DCDC2: variants seen among roughly 807,000 people sequenced by gnomAD.
The protein encoded by DCDC2 is doublecortin domain-containing protein 2.
In DCDC2, 40 loss-of-function variants were observed where a neutral mutation model predicts 50.2. The observed-to-expected ratio is 0.80, with a 90% CI of 0.62 to 1.04. DCDC2 has a LOEUF of 1.04. DCDC2 is among the 50% of genes least tolerant of loss of function. The pLI, the probability that DCDC2 is intolerant of heterozygous loss-of-function variation, is 0.00. For synonymous variants in DCDC2, 234 were observed against 210.6 expected (o/e 1.11, Z -0.96); for missense variants, 570 against 581.9 (o/e 0.98, Z 0.21).
intron 7 of DCDC2, among the ~76,000 whole-genome samples, chr6:24,273,625 C>T (rs1763287772): frequency 6.6e-6 from 1 of 152,198 alleles, no homozygotes; most frequent in Non-Finnish European, 1.5e-5. Flanking sequence ...TGAGAGAGCA[C>T]ATTTTCCTCA....
chr6:24,235,024 C>T (rs1762414832), intron 7 of DCDC2, among the ~76,000 whole-genome samples: 1 of 152,120 alleles, frequency 6.6e-6, no homozygotes, highest in African/African-American at 2.4e-5. Context: ...AATAGGATAA[C>T]ATGAAAAATT....
At chr6:24,340,733 T>C (rs1405086527) in intron 2 of DCDC2, among the ~76,000 whole-genome samples, 2 of 152,082 alleles carry the variant, frequency 1.3e-5, no homozygotes, top group African/African-American at 4.8e-5. Flanking sequence ...AAAAAAAAAT[T>C]TTGTTTTTTT....
At chr6:24,206,611 TAC>T (rs1761721937) in intron 7 of DCDC2, among the ~76,000 whole-genome samples, 2 of 152,216 alleles carry the variant, frequency 1.3e-5, no homozygotes, top group African/African-American at 4.8e-5. Context: ...ACAAAAGGAA[TAC>T]AGTCTTAATA....
chr6:24,325,140 G>GCCTC (rs1224731753), intron 2 of DCDC2, among the ~76,000 whole-genome samples: 5 of 150,310 alleles, frequency 3.3e-5, no homozygotes, highest in East Asian at 2.2e-4. Flanking sequence ...AGAATCTCCA[G>GCCTC]AGCCCCGTGG....
chr6:24,235,994 G>A (rs1230829815), intron 7 of DCDC2, among the ~76,000 whole-genome samples: 1 of 152,118 alleles, frequency 6.6e-6, no homozygotes, highest in African/African-American at 2.4e-5. Flanking sequence ...TGAATTAGAA[G>A]AGCCAATGTC....
At chr6:24,255,752 T>A (rs1762887254) in intron 7 of DCDC2, among the ~76,000 whole-genome samples, 1 of 152,142 alleles carries the variant, frequency 6.6e-6, no homozygotes, top group Non-Finnish European at 1.5e-5. Flanking sequence ...CCACTACTCA[T>A]CTGCTAGAAT....
intron 8 of DCDC2, among the ~76,000 whole-genome samples, chr6:24,180,275 G>GT (rs766767885): frequency 3.3e-4 from 50 of 151,654 alleles, no homozygotes; most frequent in Non-Finnish European, 6.3e-4. Context: ...AAATAACACG[G>GT]TTTTTTTGTT....
At chr6:24,202,703 T>C (rs1422084691) in intron 8 of DCDC2, among the ~76,000 whole-genome samples, 1 of 152,192 alleles carries the variant, frequency 6.6e-6, no homozygotes, top group Non-Finnish European at 1.5e-5. Flanking sequence ...TTGTCTGTCT[T>C]TGTGGATGAC....
chr6:24,302,336 TTAAGA>T (rs1759397212), intron 2 of DCDC2, among the ~76,000 whole-genome samples: 1 of 150,996 alleles, frequency 6.6e-6, no homozygotes, highest in Non-Finnish European at 1.5e-5. Flanking sequence ...TACGAAAATA[TTAAGA>T]TAATTTTTAA....
At chr6:24,382,919 G>A in the DCDC2 span, among the ~76,000 whole-genome samples, 1 of 151,980 alleles carries the variant, frequency 6.6e-6, no homozygotes, top group African/African-American at 2.4e-5. Flanking sequence ...TTTAGTTCAT[G>A]GACAGTTACT....
At chr6:24,290,905 T>C in intron 5 of DCDC2, 27 bp downstream of exon 5, 1 of 1,591,020 alleles carries the variant, frequency 6.3e-7, no homozygotes, top group Non-Finnish European at 8.5e-7. Context: ...AACTAAAGCA[T>C]GAGGAGTGGT....
chr6:24,370,141 C>A, the DCDC2 span, among the ~76,000 whole-genome samples: 8 of 152,204 alleles, frequency 5.3e-5, no homozygotes, highest in East Asian at 1.4e-3. Context: ...GGAAGGAAAA[C>A]CCCAGCTCTG....
At chr6:24,240,593 T>C (rs1444459871) in intron 7 of DCDC2, among the ~76,000 whole-genome samples, 2 of 152,186 alleles carry the variant, frequency 1.3e-5, no homozygotes, top group Non-Finnish European at 2.9e-5. Context: ...CATTTTAGAA[T>C]ACATGATTTA....
At chr6:24,189,833 G>A (rs1761275806) in intron 8 of DCDC2, among the ~76,000 whole-genome samples, 1 of 152,266 alleles carries the variant, frequency 6.6e-6, no homozygotes, top group South Asian at 2.1e-4. Context: ...TTGGGAAAGT[G>A]TGTGGATTTG....
intron 7 of DCDC2, 47 bp from the exon 8 acceptor site, chr6:24,205,149 C>CGT: frequency 1.2e-6 from 2 of 1,614,100 alleles, no homozygotes; most frequent in South Asian, 2.2e-5. Flanking sequence ...ATTGTGACAT[C>CGT]GTGTGGCTGA....
chr6:24,347,889 G>A (rs6922023), intron 2 of DCDC2, among the ~76,000 whole-genome samples: 33,954 of 152,034 alleles, frequency 0.22, 4,283 homozygotes, highest in African/African-American at 0.35. Flanking sequence ...TGCAAAAATC[G>A]GAATAACCAG....
intron 8 of DCDC2, among the ~76,000 whole-genome samples, chr6:24,184,671 T>C (rs1761153341): frequency 6.6e-6 from 1 of 152,172 alleles, no homozygotes; most frequent in African/African-American, 2.4e-5. Context: ...AGAAACATTA[T>C]TATAAGAATT....
intron 1 of DCDC2, among the ~76,000 whole-genome samples, chr6:24,355,741 CA>C (rs1760455419): frequency 6.6e-6 from 1 of 151,982 alleles, no homozygotes; most frequent in Non-Finnish European, 1.5e-5. Flanking sequence ...AAAATAAATC[CA>C]AATATATCCC....
chr6:24,334,214 G>A lies in DCDC2; in HGVS notation c.348+19355C>T, dbSNP rs76864542. ...TTCTCTTCTGAAGGTTGTACATAGA[G>A]AGTCAAATGAAAAAAACAAAGGTAT... On this transcript the variant is annotated intron_variant, in intron 2 of 9. Coordinates refer to ENST00000378454, the MANE Select transcript of DCDC2 (RefSeq NM_016356.5). 4.1e-3 allele frequency among the ~76,000 whole-genome samples: 632 copies of A among 152,302 alleles called. 6 individuals are homozygous for A. The highest frequency in any genetic ancestry group is 0.03 in the East Asian group (153 of 5,176).
Sources: allele counts gnomAD v4.1 joint callset (sites outside exome capture counted in the v4.1 genomes callset), GRCh38; gene constraint gnomAD v4.1.1; transcripts MANE v1.5; gene names NCBI Gene and HGNC (gene_info 2026-07-23, HGNC 2026-07-21).